The following DHRSX variants were observed in gnomAD, a reference collection of about 807,000 sequenced individuals.
DHRSX encodes dehydrogenase/reductase X-linked, also known as polyprenol dehydrogenase.
In DHRSX, 31 loss-of-function variants were observed where a neutral mutation model predicts 34.0. That is an observed-to-expected ratio of 0.91 (90% CI 0.69 to 1.23). The LOEUF is 1.23. Ranked by LOEUF, DHRSX falls within the 50% of genes most tolerant of loss-of-function variation. The pLI is 0.00. For missense variants in DHRSX, 414 were observed against 428.1 expected, an observed-to-expected ratio of 0.97 and a Z score of 0.29; for synonymous variants, 201 against 183.8, an observed-to-expected ratio of 1.09 and a Z score of -0.76.
At chrX:2,329,954 T>C (rs2042436416) in intron 3 of DHRSX, among the ~76,000 whole-genome samples, 1 of 150,996 alleles carries the variant, frequency 6.6e-6, no homozygotes, top group Admixed American at 6.7e-5. Flanking sequence ...ATACAAAAGG[T>C]AAAACAATCC....
chrX:2,252,248 AAAT>A (rs1569480000), intron 5 of DHRSX, among the ~76,000 whole-genome samples: 24 of 152,118 alleles, frequency 1.6e-4, no homozygotes, highest in Admixed American at 2.6e-4. Context: ...AAAAATAAAT[AAAT>A]AAAAAGAAAT....
intron 3 of DHRSX, among the ~76,000 whole-genome samples, chrX:2,340,577 C>A (rs73189658): frequency 0.14 from 21,927 of 151,998 alleles, 2,150 homozygotes; most frequent in Admixed American, 0.22. Context: ...CTGTGGACAT[C>A]AGAATCTTGA....
At chrX:2,311,503 T>C (rs2042165140) in intron 3 of DHRSX, among the ~76,000 whole-genome samples, 1 of 152,102 alleles carries the variant, frequency 6.6e-6, no homozygotes, top group Admixed American at 6.6e-5. Flanking sequence ...ATTAAAGTTG[T>C]CCTCTGACTC....
At chrX:2,298,737 G>A (rs1019819906) in intron 3 of DHRSX, among the ~76,000 whole-genome samples, 1 of 151,758 alleles carries the variant, frequency 6.6e-6, no homozygotes, top group African/African-American at 2.4e-5. Context: ...TGTATTCCCA[G>A]CACTTTGGGA....
rs775968909 is a variant in DHRSX, at chrX:2,393,751, G to T, written c.286+14994C>A. Among the ~76,000 whole-genome samples the T allele has an allele frequency of 2.3e-4, 20 of 85,974 alleles. 1 individual carries two copies. In the East Asian group the frequency reaches 7.3e-3, roughly 31 times the overall value. The allele number at this position is 85,974 out of a possible 152,430, so 56.4% of individuals were successfully genotyped here. A position where few individuals can be genotyped will look rare whatever the true frequency, so the allele number is the denominator to read the frequency against. On this transcript the variant is annotated intron_variant, in intron 3 of 6. Coordinates refer to ENST00000334651, the MANE Select transcript of DHRSX (RefSeq NM_145177.3). ...CGTCTCCTGCACACACGACACACAG[G>T]GACCTCCCCATCTCCTGGGCACACA...
intron 4 of DHRSX, among the ~76,000 whole-genome samples, chrX:2,269,342 CATT>C (rs1412513561): frequency 2.0e-5 from 3 of 152,078 alleles, no homozygotes; most frequent in African/African-American, 4.8e-5. Flanking sequence ...CAAGTGCACA[CATT>C]TTTTATATGT....
intron 3 of DHRSX, among the ~76,000 whole-genome samples, chrX:2,330,076 G>GAGACA (rs2042439899): frequency 1.9e-5 from 1 of 52,854 alleles, no homozygotes; most frequent in Admixed American, 2.6e-4. Context: ...GAGACGGCGG[G>GAGACA]GGGGGGGGGG....
chrX:2,409,920 G>C (rs5939501), intron 2 of DHRSX, among the ~76,000 whole-genome samples: 38,619 of 151,596 alleles, frequency 0.25, 5,141 homozygotes, highest in African/African-American at 0.32. Flanking sequence ...TTAGTAGAGA[G>C]GGGGTTTCAC....
intron 3 of DHRSX, among the ~76,000 whole-genome samples, chrX:2,318,739 C>T (rs1035868792): frequency 2.0e-5 from 3 of 152,126 alleles, no homozygotes; most frequent in African/African-American, 7.2e-5. Context: ...CAAGAAATAA[C>T]CATAAAAATC....
chrX:2,383,273 A>G (rs2043234634), intron 3 of DHRSX, among the ~76,000 whole-genome samples: 2 of 151,184 alleles, frequency 1.3e-5, no homozygotes, highest in Non-Finnish European at 2.9e-5. Context: ...CATCATCAAC[A>G]CCAATATTTT....
chrX:2,344,871 G>T (rs1316887673), intron 3 of DHRSX, among the ~76,000 whole-genome samples: 4 of 27,256 alleles, frequency 1.5e-4, no homozygotes, highest in African/African-American at 1.5e-4. Flanking sequence ...ATAAAAAGAA[G>T]CATATATATA....
At chrX:2,227,082 G>T (rs2015682470) in intron 6 of DHRSX, among the ~76,000 whole-genome samples, 1 of 151,998 alleles carries the variant, frequency 6.6e-6, no homozygotes, top group Non-Finnish European at 1.5e-5. Flanking sequence ...AGGTGCAGCT[G>T]GAGCACCCTG....
At chrX:2,360,921 T>A (rs1037665598) in intron 3 of DHRSX, among the ~76,000 whole-genome samples, 3 of 152,154 alleles carry the variant, frequency 2.0e-5, no homozygotes, top group African/African-American at 7.2e-5. Flanking sequence ...GGCATGATGC[T>A]TTCAGAGGAA....
intron 5 of DHRSX, among the ~76,000 whole-genome samples, chrX:2,254,287 T>C (rs932769314): frequency 6.6e-6 from 1 of 152,210 alleles, no homozygotes; most frequent in Non-Finnish European, 1.5e-5. Context: ...TCCGTTGCAT[T>C]GCAACGTATT....
At chrX:2,427,347 C>T (rs1309120951) in intron 1 of DHRSX, among the ~76,000 whole-genome samples, 2 of 152,134 alleles carry the variant, frequency 1.3e-5, no homozygotes, top group Non-Finnish European at 2.9e-5. Flanking sequence ...GCAGACAGGG[C>T]GTCATCACGG....
intron 3 of DHRSX, among the ~76,000 whole-genome samples, chrX:2,296,361 GAA>G (rs1352704770): frequency 9.2e-5 from 14 of 152,140 alleles, no homozygotes; most frequent in Non-Finnish European, 1.6e-4. Flanking sequence ...GAAGGAGAGG[GAA>G]AAAGAGAAAA....
intron 1 of DHRSX, chrX:2,489,936 C>A (rs146188728): frequency 2.5e-6 from 4 of 1,613,786 alleles, no homozygotes; most frequent in Non-Finnish European, 3.4e-6. Flanking sequence ...AAGACCTTGG[C>A]GCTGATGCCC....
chrX:2,489,219 C>T (rs1569344697), intron 1 of DHRSX: 2 of 1,613,818 alleles, frequency 1.2e-6, no homozygotes, highest in Admixed American at 3.3e-5. Context: ...AGGCCCTTGG[C>T]CTCTTCCACC....
chrX:2,320,658 A>T (rs2042300132), intron 3 of DHRSX, among the ~76,000 whole-genome samples: 1 of 147,722 alleles, frequency 6.8e-6, no homozygotes, highest in Non-Finnish European at 1.5e-5. Flanking sequence ...TTTTCCTAGA[A>T]TTGCTACACT....
Sources: allele counts gnomAD v4.1 joint callset (sites outside exome capture counted in the v4.1 genomes callset), GRCh38; gene constraint gnomAD v4.1.1; transcripts MANE v1.5; gene names NCBI Gene and HGNC (gene_info 2026-07-23, HGNC 2026-07-21).